Variants in CACUL1 observed in about 807,000 individuals in gnomAD.
CACUL1 encodes CDK2 associated cullin domain 1, also known as CDK2-associated and cullin domain-containing protein 1.
A neutral mutation model predicts 45.2 loss-of-function variants in CACUL1; 13 were observed. The ratio of observed to expected loss-of-function variants is 0.29; its 90% CI spans 0.19 to 0.46. CACUL1 has a LOEUF of 0.46. CACUL1 is among the 20% of genes least tolerant of loss of function. CACUL1 has a pLI of 1.00. For synonymous variants in CACUL1, 197 were observed against 174.2 expected (o/e 1.13, Z -1.03); for missense variants, 421 against 471.4 (o/e 0.89, Z 0.99).
At chr10:118,705,654 C>T (rs181581385) in intron 4 of CACUL1, among the ~76,000 whole-genome samples, 3 of 152,076 alleles carry the variant, frequency 2.0e-5, no homozygotes, top group Non-Finnish European at 2.9e-5. Context: ...ACCTTAGTTA[C>T]AATTTATTTT....
chr10:118,734,916 A>AC (rs1845727019), intron 1 of CACUL1, among the ~76,000 whole-genome samples: 1 of 152,222 alleles, frequency 6.6e-6, no homozygotes. Context: ...TAAACAGGAA[A>AC]CCATTAGAGG....
chr10:118,723,391 G>A (rs1028833589), intron 3 of CACUL1, among the ~76,000 whole-genome samples: 15 of 152,082 alleles, frequency 9.9e-5, no homozygotes, highest in African/African-American at 3.6e-4. Context: ...TTATTGTCAC[G>A]AGTTTTGATT....
intron 3 of CACUL1, among the ~76,000 whole-genome samples, chr10:118,712,049 C>T (rs1463298397): frequency 2.0e-5 from 3 of 152,214 alleles, no homozygotes; most frequent in Non-Finnish European, 2.9e-5. Context: ...CAAGTTTTTA[C>T]CCCTGAACAA....
chr10:118,694,975 A>G (rs1445521435), intron 6 of CACUL1, 166 bp downstream of exon 6: 2 of 510,066 alleles, frequency 3.9e-6, no homozygotes, highest in African/African-American at 1.9e-5. Flanking sequence ...GAACATTCCA[A>G]CTGAGCTCTG....
intron 1 of CACUL1, among the ~76,000 whole-genome samples, chr10:118,747,043 A>G (rs1345317275): frequency 1.3e-5 from 2 of 152,094 alleles, no homozygotes; most frequent in Non-Finnish European, 2.9e-5. Flanking sequence ...TTCTCAAAGG[A>G]GCGCCAACCC....
At chr10:118,740,738 A>C (rs1271452183) in intron 1 of CACUL1, among the ~76,000 whole-genome samples, 3 of 152,148 alleles carry the variant, frequency 2.0e-5, no homozygotes, top group Non-Finnish European at 4.4e-5. Flanking sequence ...CATCCTGGCT[A>C]ACACGGTGAA....
intron 6 of CACUL1, chr10:118,693,196 G>C (rs1036756127): frequency 1.3e-5 from 2 of 152,396 alleles, no homozygotes; most frequent in African/African-American, 2.4e-5. Flanking sequence ...GCCTTCTTAA[G>C]TGACTCAGAT....
chr10:118,707,652 G>T, intron 3 of CACUL1, 65 bp from the exon 4 acceptor site: 2 of 585,330 alleles, frequency 3.4e-6, no homozygotes. Flanking sequence ...ACCATAATTT[G>T]AAACACAAAC....
intron 3 of CACUL1, among the ~76,000 whole-genome samples, chr10:118,721,779 A>G (rs908124832): frequency 6.6e-6 from 1 of 152,158 alleles, no homozygotes; most frequent in African/African-American, 2.4e-5. Context: ...AAACTACTAC[A>G]TCAAAATGTC....
In CACUL1 at chr10:118,678,871, T is replaced by C. The variant is rs1845122714; in HGVS notation, c.*7257A>G. ...TATCTGTCAGATCAAATTGATTAGC[T>C]GTACTATTTAAATCTTCTATGTCCT... On this transcript the variant is annotated 3_prime_UTR_variant, in exon 9 of 9. Transcript: ENST00000369151. 1 of 152,350 alleles carries C rather than the reference T, an allele frequency of 6.6e-6. No homozygotes were observed. Among genetic ancestry groups the C allele is most frequent in the East Asian group, 1.9e-4 (1 of 5,186 alleles). The allele number at this position is 152,350 out of a possible 1,614,324, so 9.4% of individuals were successfully genotyped here.
In CACUL1 at chr10:118,686,187, A is replaced by C. The variant is rs1845203587; in HGVS notation, c.1070-19T>G. ...GAGCTATCTGAAAAAACATCAGAAT[A>C]GGAAAAAGTATGAAGAGCAGACAGC... On this transcript the variant is annotated intron_variant, in intron 8 of 8. Transcript: ENST00000369151. 3 of 1,605,152 alleles carry C rather than the reference A, an allele frequency of 1.9e-6. No individual in the cohort carries two copies. The highest frequency in any genetic ancestry group is 2.6e-6 in the Non-Finnish European group (3 of 1,172,126).
At chr10:118,719,733 T>C (rs1402593782) in intron 3 of CACUL1, among the ~76,000 whole-genome samples, 1 of 151,486 alleles carries the variant, frequency 6.6e-6, no homozygotes, top group Non-Finnish European at 1.5e-5. Context: ...ATCGCTTGAA[T>C]CCTGGAGGCG....
At chr10:118,692,370 G>C (rs558302845) in intron 6 of CACUL1, 20 of 152,218 alleles carry the variant, frequency 1.3e-4, no homozygotes, top group African/African-American at 4.6e-4. Flanking sequence ...ATATGACAAA[G>C]ATGAATTAGT....
chr10:118,745,764 ATAAAT>A (rs1030055150), intron 1 of CACUL1, among the ~76,000 whole-genome samples: 3 of 152,184 alleles, frequency 2.0e-5, no homozygotes, highest in African/African-American at 7.2e-5. Flanking sequence ...TACACAAAAA[ATAAAT>A]TAAAAGTAAA....
At chr10:118,690,634 G>C (rs1188334365) in intron 7 of CACUL1, among the ~76,000 whole-genome samples, 1 of 152,190 alleles carries the variant, frequency 6.6e-6, no homozygotes, top group East Asian at 1.9e-4. Context: ...AGTCATAAAA[G>C]TACATTATAA....
chr10:118,696,900 G>A (rs556635369), intron 5 of CACUL1, among the ~76,000 whole-genome samples: 2 of 152,156 alleles, frequency 1.3e-5, no homozygotes, highest in African/African-American at 2.4e-5. Flanking sequence ...CTAACTCTTC[G>A]TATTCAACCA....
Position 118,677,463 on chromosome 10 carries a change from C to G in CACUL1, c.*8665G>C, listed in dbSNP as rs921107474. On this transcript the variant is annotated 3_prime_UTR_variant, in exon 9 of 9. Transcript: ENST00000369151. ...ATATTATGAAGTGCTTCCAAGTCCC[C>G]GTTCTCCCCTCTGTTCTCATTCCCC... The G allele has an allele frequency of 6.6e-6, 1 of 152,176 alleles. No individual in the cohort carries two copies. Among genetic ancestry groups the G allele is most frequent in the Non-Finnish European group, 1.5e-5 (1 of 68,036 alleles). The allele number at this position is 152,176 out of a possible 1,614,324, so 9.4% of individuals were successfully genotyped here.
intron 5 of CACUL1, among the ~76,000 whole-genome samples, chr10:118,699,452 A>AAATT (rs1436080041): frequency 6.6e-6 from 1 of 152,204 alleles, no homozygotes; most frequent in Non-Finnish European, 1.5e-5. Flanking sequence ...ACGTCCAATA[A>AAATT]AATTAGTTTC....
At chr10:118,704,811 C>T (rs1293074482) in intron 4 of CACUL1, among the ~76,000 whole-genome samples, 2 of 152,200 alleles carry the variant, frequency 1.3e-5, no homozygotes, top group African/African-American at 4.8e-5. Flanking sequence ...TTTCATTGCT[C>T]AATAAAATTC....
Sources: gnomAD v4.1 joint callset for allele counts (sites outside exome capture counted in the v4.1 genomes callset) on GRCh38, gnomAD v4.1.1 for gene constraint, MANE v1.5 for transcripts, NCBI Gene and HGNC (gene_info 2026-07-23, HGNC 2026-07-21) for gene names.